Variants in WDR27 observed in about 807,000 individuals in gnomAD.
WDR27 encodes WD repeat domain 27.
A neutral mutation model predicts 114.4 loss-of-function variants in WDR27; 100 were observed. The observed-to-expected ratio is 0.87, with a 90% confidence interval of 0.74 to 1.03. The LOEUF (loss-of-function observed/expected upper bound fraction) is 1.03. WDR27 is among the 50% of genes least tolerant of loss of function. The pLI is 0.00. For synonymous variants in WDR27, 449 were observed against 423.1 expected (o/e 1.06, Z -0.75); for missense variants, 1,129 against 1,092.9 (o/e 1.03, Z -0.47).
intron 21 of WDR27, among the ~76,000 whole-genome samples, chr6:169,626,664 C>T (rs930347340): frequency 6.6e-6 from 1 of 152,230 alleles, no homozygotes; most frequent in South Asian, 2.1e-4. Context: ...GAGTCCGCAC[C>T]GTGCAGCTCA....
chr6:169,652,072 A>G lies in WDR27; in HGVS notation c.1403-64T>C, dbSNP rs113607868. The G allele has an allele frequency of 1.8e-3, 2,580 of 1,400,670 alleles. 49 individuals carry two copies. In the African/African-American group the frequency reaches 0.032, roughly 17 times the overall value. 86.8% of individuals were successfully genotyped at this position (1,400,670 alleles called of 1,614,324 possible). A position where few individuals can be genotyped will look rare whatever the true frequency, so the allele number is the denominator to read the frequency against. On this transcript the variant is annotated intron_variant, in intron 13 of 25. Coordinates refer to ENST00000448612, the MANE Select transcript of WDR27 (RefSeq NM_182552.5). ...AAATTAGCATCTCATGATGGACATG[A>G]GAAGAACAGAGTCTCTTCAAAACAG...
chr6:169,626,659 C>A (rs757940964), intron 21 of WDR27, among the ~76,000 whole-genome samples: 2 of 152,176 alleles, frequency 1.3e-5, no homozygotes, highest in Non-Finnish European at 2.9e-5. Context: ...CACATGAGTC[C>A]GCACCGTGCA....
chr6:169,551,819 T>C (rs2128104043), intron 25 of WDR27, among the ~76,000 whole-genome samples: 1 of 151,872 alleles, frequency 6.6e-6, no homozygotes, highest in East Asian at 1.9e-4. Context: ...CGATTCTGGC[T>C]TTGAAGGCCA....
chr6:169,478,123 G>A (rs553046558), intron 25 of WDR27, among the ~76,000 whole-genome samples: 5 of 152,194 alleles, frequency 3.3e-5, no homozygotes, highest in African/African-American at 1.2e-4. Flanking sequence ...ACTGGGGGTT[G>A]GAGATGCCTA....
At chr6:169,607,074 A>G (rs1562680609) in intron 22 of WDR27, among the ~76,000 whole-genome samples, 1 of 152,254 alleles carries the variant, frequency 6.6e-6, no homozygotes, top group Non-Finnish European at 1.5e-5. Context: ...TATTACTAAA[A>G]AAGCAAAAAG....
downstream of WDR27, among the ~76,000 whole-genome samples, chr6:169,454,932 G>A (rs566648787): frequency 1.1e-3 from 173 of 152,368 alleles, no homozygotes; most frequent in Middle Eastern, 0.02. Context: ...TGTCCACTCG[G>A]TTGGTGAAGC....
At chr6:169,445,183 C>T in the WDR27 span, among the ~76,000 whole-genome samples, 3 of 152,190 alleles carry the variant, frequency 2.0e-5, no homozygotes, top group Admixed American at 6.5e-5. Flanking sequence ...AATTGTCACA[C>T]GTGCAGATGA....
chr6:169,691,151 C>T (rs1784401789), intron 1 of WDR27, among the ~76,000 whole-genome samples: 1 of 152,054 alleles, frequency 6.6e-6, no homozygotes, highest in South Asian at 2.1e-4. Flanking sequence ...GGAGGCAGAG[C>T]TTGCAGTGAG....
chr6:169,486,178 C>A, intron 25 of WDR27, among the ~76,000 whole-genome samples: 1 of 150,398 alleles, frequency 6.6e-6, no homozygotes, highest in African/African-American at 2.4e-5. Flanking sequence ...AAGAAAAATA[C>A]CAAAACACAA....
intron 17 of WDR27, among the ~76,000 whole-genome samples, chr6:169,639,925 T>C (rs556543927): frequency 5.3e-5 from 8 of 151,980 alleles, no homozygotes; most frequent in South Asian, 4.2e-4. Flanking sequence ...TTCTCAGAGG[T>C]CGGCCCTGGA....
chr6:169,632,189 C>CA (rs1012298678), intron 21 of WDR27, among the ~76,000 whole-genome samples: 5,122 of 63,368 alleles, frequency 0.081, 183 homozygotes, highest in Non-Finnish European at 0.12. Flanking sequence ...GACTCTGTCT[C>CA]AAAAAAAAAA....
intron 25 of WDR27, among the ~76,000 whole-genome samples, chr6:169,562,988 G>T (rs1799883822): frequency 6.6e-6 from 1 of 152,136 alleles, no homozygotes; most frequent in African/African-American, 2.4e-5. Flanking sequence ...CCGGGGGAAT[G>T]CCCGGAGCAA....
chr6:169,543,360 C>G (rs1383358779), intron 25 of WDR27, among the ~76,000 whole-genome samples: 1 of 152,080 alleles, frequency 6.6e-6, no homozygotes, highest in Non-Finnish European at 1.5e-5. Context: ...CATAGGACAA[C>G]AGTTCTTAAA....
chr6:169,690,205 C>T (rs1463109480), intron 1 of WDR27, among the ~76,000 whole-genome samples: 1 of 152,142 alleles, frequency 6.6e-6, no homozygotes, highest in Admixed American at 6.5e-5. Flanking sequence ...AGGATCCACC[C>T]ATGAGGCCCT....
intron 25 of WDR27, among the ~76,000 whole-genome samples, chr6:169,470,544 T>A (rs572211957): frequency 7.2e-5 from 11 of 152,342 alleles, no homozygotes; most frequent in African/African-American, 2.4e-4. Context: ...GAGACCTAGA[T>A]GCCAGGATGG....
chr6:169,474,337 GAAT>G (rs1377331946), intron 25 of WDR27, among the ~76,000 whole-genome samples: 4 of 152,174 alleles, frequency 2.6e-5, no homozygotes, highest in Non-Finnish European at 5.9e-5. Context: ...CCATGAATTA[GAAT>G]TAGTTGACAA....
chr6:169,529,333 G>A (rs1286127604), intron 25 of WDR27, among the ~76,000 whole-genome samples: 2 of 144,368 alleles, frequency 1.4e-5, no homozygotes, highest in South Asian at 4.4e-4. Flanking sequence ...GGCAGCTAAT[G>A]CTAATAAGCT....
chr6:169,464,136 T>G (rs1785244354), intron 25 of WDR27, among the ~76,000 whole-genome samples: 1 of 152,206 alleles, frequency 6.6e-6, no homozygotes. Flanking sequence ...TTACTATTAA[T>G]ACATATCTTC....
intron 1 of WDR27, among the ~76,000 whole-genome samples, chr6:169,700,245 A>C (rs1787521383): frequency 6.6e-6 from 1 of 152,226 alleles, no homozygotes; most frequent in African/African-American, 2.4e-5. Flanking sequence ...GCCAGGCCTG[A>C]TGGAGAGAAC....
Sources: gnomAD v4.1 joint callset for allele counts (sites outside exome capture counted in the v4.1 genomes callset) on GRCh38, gnomAD v4.1.1 for gene constraint, MANE v1.5 for transcripts, NCBI Gene and HGNC (gene_info 2026-07-23, HGNC 2026-07-21) for gene names.